OGT: variants seen among roughly 807,000 people sequenced by gnomAD.
OGT encodes UDP-N-acetylglucosamine--peptide N-acetylglucosaminyltransferase 110 kDa subunit.
OGT carries 3 observed loss-of-function variants against 75.8 expected under a neutral mutation model. That is an observed-to-expected ratio of 0.04 (90% CI 0.02 to 0.10). OGT has a LOEUF of 0.10. OGT is among the 10% of genes least tolerant of loss of function. The pLI is 1.00. For missense variants in OGT, 260 were observed against 824.4 expected (o/e 0.32, Z 8.38); for synonymous variants, 257 against 289.7 (o/e 0.89, Z 1.15).
chrX:71,547,554 A>T, intron 4 of OGT: 3 of 808,082 alleles, frequency 3.7e-6, no homozygotes, highest in Non-Finnish European at 4.4e-6. Flanking sequence ...ACTTGAAAAC[A>T]TGACAAGGGC....
At chrX:71,553,100 A>C (rs894337990) in intron 5 of OGT, among the ~76,000 whole-genome samples, 7 of 109,552 alleles carry the variant, frequency 6.4e-5, no homozygotes, top group African/African-American at 2.3e-4. Context: ...TTCTTTCTTT[A>C]TTTTTTTTTG....
intron 7 of OGT, 67 bp downstream of exon 7, chrX:71,555,452 T>C: frequency 2.0e-6 from 2 of 997,464 alleles, no homozygotes; most frequent in Non-Finnish European, 2.8e-6. Context: ...CCAGGTGTGG[T>C]GGCTCACACT....
chrX:71,560,368 T>C (rs2040374871), intron 14 of OGT, among the ~76,000 whole-genome samples: 3 of 110,502 alleles, frequency 2.7e-5, no homozygotes, highest in Non-Finnish European at 5.7e-5. Context: ...TCTGTACTTG[T>C]TCTATTGTTG....
At chrX:71,550,007 T>A (rs2040291248) in intron 5 of OGT, among the ~76,000 whole-genome samples, 1 of 112,131 alleles carries the variant, frequency 8.9e-6, no homozygotes, top group Non-Finnish European at 1.9e-5. Flanking sequence ...GAATAATAAC[T>A]GAAATATACT....
chrX:71,535,127 T>G (rs1385608178), intron 1 of OGT, among the ~76,000 whole-genome samples: 1 of 101,454 alleles, frequency 9.9e-6, no homozygotes, highest in African/African-American at 4.1e-5. Flanking sequence ...GACAAGCAGT[T>G]TTTTTTTTTT....
chrX:71,565,417 C>T (rs1033385117), intron 19 of OGT, among the ~76,000 whole-genome samples: 2 of 109,699 alleles, frequency 1.8e-5, no homozygotes, highest in Non-Finnish European at 3.8e-5. Flanking sequence ...TTTTAGTAGA[C>T]GGGGTTTCAC....
At chrX:71,562,641 A>G (rs2040392222) in intron 15 of OGT, among the ~76,000 whole-genome samples, 1 of 112,201 alleles carries the variant, frequency 8.9e-6, no homozygotes, top group African/African-American at 3.2e-5. Context: ...ACAGAGTGAG[A>G]TCCTGTCTCT....
At position 71,533,273 on chromosome X, in the gene OGT, T is replaced by A; in HGVS notation, c.-27T>A. On this transcript the variant is annotated 5_prime_UTR_variant, in exon 1 of 22. Coordinates refer to ENST00000373719, the MANE Select transcript of OGT (RefSeq NM_181672.3). ...GGCGGCAGCAGGACCAATTACCTCT[T>A]TTTTGCTCTCCCTCGAGAAGCTCCA... 8.4e-7 allele frequency: 1 copy of A among 1,191,830 alleles called. No homozygotes were observed. Among genetic ancestry groups the A allele is most frequent in the Non-Finnish European group, 1.1e-6 (1 of 884,756 alleles).
intron 12 of OGT, 67 bp downstream of exon 12, chrX:71,557,739 C>A: frequency 8.4e-6 from 8 of 954,938 alleles, no homozygotes; most frequent in East Asian, 3.2e-5. Flanking sequence ...CTGTAAAAAT[C>A]AAATCTGTGG....
intron 3 of OGT, among the ~76,000 whole-genome samples, chrX:71,541,697 T>C (rs1468148627): frequency 9.0e-6 from 1 of 110,681 alleles, no homozygotes; most frequent in East Asian, 2.8e-4. Flanking sequence ...GGAAGATTTA[T>C]AAAGAATAGA....
chrX:71,562,699 C>A, intron 15 of OGT, 148 bp from the exon 16 acceptor site: 2 of 449,160 alleles, frequency 4.5e-6, no homozygotes, highest in African/African-American at 2.5e-5. Flanking sequence ...AATTTTGGCA[C>A]CTTTAGGTTC....
At chrX:71,548,345 G>C (rs2040276512) in intron 5 of OGT, among the ~76,000 whole-genome samples, 1 of 111,596 alleles carries the variant, frequency 9.0e-6, no homozygotes, top group Non-Finnish European at 1.9e-5. Flanking sequence ...GCTGAGGCAG[G>C]AGGATCACTT....
chrX:71,570,194 C>T (rs948097868), intron 21 of OGT, among the ~76,000 whole-genome samples: 1 of 107,544 alleles, frequency 9.3e-6, no homozygotes, highest in Non-Finnish European at 1.9e-5. Context: ...GCATCCACCA[C>T]CACATCCAGC....
intron 18 of OGT, 39 bp downstream of exon 18, chrX:71,563,538 G>A: frequency 9.5e-7 from 1 of 1,054,673 alleles, no homozygotes; most frequent in South Asian, 2.3e-5. Context: ...GTCCCGCCAA[G>A]TATGCATTTA....
chrX:71,565,341 C>T (rs1051814700), intron 19 of OGT, among the ~76,000 whole-genome samples: 1 of 110,971 alleles, frequency 9.0e-6, no homozygotes, highest in Non-Finnish European at 1.9e-5. Context: ...ATTCTTGTGC[C>T]TCAGCCTTCC....
intron 12 of OGT, among the ~76,000 whole-genome samples, chrX:71,558,348 T>C (rs1360821176): frequency 9.1e-6 from 1 of 110,135 alleles, no homozygotes; most frequent in African/African-American, 3.3e-5. Context: ...GGATAATAGA[T>C]TGGAGTGCTA....
At chrX:71,563,097 A>G in intron 16 of OGT, 33 bp from the exon 17 acceptor site, 1 of 1,198,825 alleles carries the variant, frequency 8.3e-7, no homozygotes, top group Non-Finnish European at 1.1e-6. Flanking sequence ...TGTAAATCCT[A>G]AAAGACATGT....
At chrX:71,555,784 G>GAT (rs2040339164) in intron 7 of OGT, 170 bp from the exon 8 acceptor site, 1 of 515,207 alleles carries the variant, frequency 1.9e-6, no homozygotes, top group African/African-American at 2.4e-5. Flanking sequence ...CAAGTATTGA[G>GAT]ATGGTATATT....
chrX:71,569,858 C>G (rs1237920877), intron 21 of OGT, among the ~76,000 whole-genome samples: 1 of 107,462 alleles, frequency 9.3e-6, no homozygotes, highest in Non-Finnish European at 1.9e-5. Context: ...GCTTCAGCCT[C>G]CCGAGTAGCT....
Sources: gnomAD v4.1 joint callset for allele counts (sites outside exome capture counted in the v4.1 genomes callset) on GRCh38, gnomAD v4.1.1 for gene constraint, MANE v1.5 for transcripts, NCBI Gene and HGNC (gene_info 2026-07-23, HGNC 2026-07-21) for gene names.